GRID2: variants seen among roughly 807,000 people sequenced by gnomAD.
The protein encoded by GRID2 is glutamate receptor ionotropic, delta-2.
A neutral mutation model predicts 114.8 loss-of-function variants in GRID2; 33 were observed. The ratio of observed to expected loss-of-function variants is 0.29; its 90% CI spans 0.22 to 0.38. GRID2 has a LOEUF of 0.38. Ranked by LOEUF, GRID2 falls within the 10% of genes least tolerant of loss-of-function variation. The probability of loss-of-function intolerance (pLI) is 1.00; values close to 1 mark genes in which losing one functional copy is unlikely to be tolerated. For missense variants in GRID2, 1,184 were observed against 1,257.7 expected (o/e 0.94, Z 0.89); for synonymous variants, 505 against 449.9 (o/e 1.12, Z -1.55).
intron 4 of GRID2, among the ~76,000 whole-genome samples, chr4:93,178,944 A>G (rs926028421): frequency 6.6e-6 from 1 of 152,106 alleles, no homozygotes; most frequent in Non-Finnish European, 1.5e-5. Context: ...TGGGCTGATT[A>G]CCACCTAGGG....
chr4:93,179,756 A>C (rs1696839121), intron 4 of GRID2, among the ~76,000 whole-genome samples: 1 of 152,186 alleles, frequency 6.6e-6, no homozygotes, highest in Admixed American at 6.5e-5. Flanking sequence ...CCACAAAAAT[A>C]GTAAGTAGTA....
intron 14 of GRID2, among the ~76,000 whole-genome samples, chr4:93,627,148 T>C (rs1474585898): frequency 1.3e-5 from 2 of 152,186 alleles, no homozygotes; most frequent in African/African-American, 4.8e-5. Context: ...CCAAACAAGC[T>C]TGGACCTAAG....
chr4:92,865,852 T>C (rs1362959132), intron 2 of GRID2, among the ~76,000 whole-genome samples: 1 of 152,204 alleles, frequency 6.6e-6, no homozygotes. Context: ...TTTGAAAATA[T>C]GCAATACAAA....
intron 8 of GRID2, among the ~76,000 whole-genome samples, chr4:93,298,153 A>C (rs1273437631): frequency 1.3e-5 from 2 of 152,192 alleles, no homozygotes; most frequent in Non-Finnish European, 2.9e-5. Context: ...AAACACCATC[A>C]TCATCCATCT....
chr4:92,523,684 G>T (rs1724894883), intron 1 of GRID2, among the ~76,000 whole-genome samples: 1 of 152,018 alleles, frequency 6.6e-6, no homozygotes, highest in Non-Finnish European at 1.5e-5. Flanking sequence ...CTAGAAATGA[G>T]ATCTTGGTGA....
intron 8 of GRID2, among the ~76,000 whole-genome samples, chr4:93,265,126 G>A (rs983750937): frequency 2.6e-5 from 4 of 151,954 alleles, no homozygotes; most frequent in Admixed American, 2.0e-4. Context: ...TACGTAACTG[G>A]TAGTCTTTTC....
chr4:93,314,692 A>G (rs184585433), intron 8 of GRID2, among the ~76,000 whole-genome samples: 1 of 152,058 alleles, frequency 6.6e-6, no homozygotes, highest in Non-Finnish European at 1.5e-5. Flanking sequence ...TTATTGAGAT[A>G]TAATTGCCAA....
At chr4:93,175,574 G>A (rs1739278780) in intron 4 of GRID2, among the ~76,000 whole-genome samples, 2 of 151,952 alleles carry the variant, frequency 1.3e-5, no homozygotes, top group South Asian at 4.1e-4. Flanking sequence ...CTTTTTCAAA[G>A]ATATGCATCC....
chr4:93,409,217 T>C (rs1045465037), intron 9 of GRID2, among the ~76,000 whole-genome samples: 1 of 152,166 alleles, frequency 6.6e-6, no homozygotes, highest in Admixed American at 6.5e-5. Context: ...AATCTACACA[T>C]GCATGTGAAG....
At chr4:92,361,680 TA>T (rs1728626731) in intron 1 of GRID2, among the ~76,000 whole-genome samples, 1 of 152,000 alleles carries the variant, frequency 6.6e-6, no homozygotes, top group African/African-American at 2.4e-5. Flanking sequence ...TCAGTGGATA[TA>T]AAAAAGTTTG....
At chr4:92,915,391 G>A (rs1748701830) in intron 2 of GRID2, among the ~76,000 whole-genome samples, 1 of 152,156 alleles carries the variant, frequency 6.6e-6, no homozygotes, top group Admixed American at 6.6e-5. Flanking sequence ...GGCACAAAGA[G>A]CCTCAAGGAT....
At chr4:93,060,403 A>G (rs113970342) in intron 2 of GRID2, among the ~76,000 whole-genome samples, 4 of 152,180 alleles carry the variant, frequency 2.6e-5, no homozygotes, top group Admixed American at 6.6e-5. Flanking sequence ...TTGTGTTTCC[A>G]TGGAAGGAAA....
At chr4:93,065,383 T>C (rs1728209493) in intron 2 of GRID2, among the ~76,000 whole-genome samples, 1 of 151,888 alleles carries the variant, frequency 6.6e-6, no homozygotes, top group African/African-American at 2.4e-5. Context: ...TTACTCACAG[T>C]AAGAGAAAAT....
intron 2 of GRID2, among the ~76,000 whole-genome samples, chr4:92,939,357 T>C (rs1010441760): frequency 6.8e-6 from 1 of 147,782 alleles, no homozygotes; most frequent in Non-Finnish European, 1.5e-5. Context: ...GCTGCATAAA[T>C]GTCTTCCTTT....
At chr4:92,634,553 A>G (rs377673849) in intron 2 of GRID2, among the ~76,000 whole-genome samples, 1 of 152,162 alleles carries the variant, frequency 6.6e-6, no homozygotes, top group East Asian at 1.9e-4. Context: ...CCAGAAAAAA[A>G]TACTAAGAGG....
intron 8 of GRID2, among the ~76,000 whole-genome samples, chr4:93,260,359 C>T (rs1168664047): frequency 2.7e-5 from 4 of 149,378 alleles, no homozygotes; most frequent in Admixed American, 6.8e-5. Context: ...AGGCACATTG[C>T]GTACATTTTT....
chr4:93,050,160 G>T (rs1726550043), intron 2 of GRID2, among the ~76,000 whole-genome samples: 1 of 152,026 alleles, frequency 6.6e-6, no homozygotes, highest in Non-Finnish European at 1.5e-5. Context: ...GGTCTTAGTA[G>T]CTAACAATGT....
chr4:92,860,706 A>G (rs552884823), intron 2 of GRID2, among the ~76,000 whole-genome samples: 1 of 152,216 alleles, frequency 6.6e-6, no homozygotes, highest in African/African-American at 2.4e-5. Context: ...TTCGGTCAAC[A>G]AGTATGTAAT....
At chr4:93,270,633 TTTTG>T (rs1053930418) in intron 8 of GRID2, among the ~76,000 whole-genome samples, 1 of 151,884 alleles carries the variant, frequency 6.6e-6, no homozygotes, top group Non-Finnish European at 1.5e-5. Flanking sequence ...TTTTGTTTTG[TTTTG>T]TTTTTTTTTG....
Sources: allele counts gnomAD v4.1 joint callset (sites outside exome capture counted in the v4.1 genomes callset), GRCh38; gene constraint gnomAD v4.1.1; transcripts MANE v1.5; gene names NCBI Gene and HGNC (gene_info 2026-07-23, HGNC 2026-07-21).